The following TANK variants were observed in gnomAD, a reference collection of about 807,000 sequenced individuals.
TANK encodes TRAF family member associated NFKB activator.
A neutral mutation model predicts 43.6 loss-of-function variants in TANK; 15 were observed. That is an observed-to-expected ratio of 0.34 (90% CI 0.23 to 0.53). The LOEUF (loss-of-function observed/expected upper bound fraction) is 0.53. TANK is among the 20% of genes least tolerant of loss of function. TANK has a pLI of 0.94. For missense variants in TANK, 417 were observed against 498.6 expected (o/e 0.84, Z 1.56); for synonymous variants, 162 against 178.2 (o/e 0.91, Z 0.73).
chr2:161,148,650 T>A (rs890544801), intron 1 of TANK, among the ~76,000 whole-genome samples: 5 of 152,220 alleles, frequency 3.3e-5, no homozygotes, highest in African/African-American at 1.2e-4. Context: ...TATGGTTTTA[T>A]CTCTTATATT....
intron 4 of TANK, among the ~76,000 whole-genome samples, chr2:161,210,062 A>ATG (rs1228890586): frequency 6.6e-6 from 1 of 152,202 alleles, no homozygotes; most frequent in African/African-American, 2.4e-5. Context: ...TTACTGAAAG[A>ATG]TGTCAGTTAA....
chr2:161,146,047 G>A (rs1683900963), intron 1 of TANK, among the ~76,000 whole-genome samples: 1 of 151,938 alleles, frequency 6.6e-6, no homozygotes, highest in Non-Finnish European at 1.5e-5. Flanking sequence ...CTCTAATCTT[G>A]TCTTCATGCC....
At chr2:161,160,399 G>A (rs1020138894), upstream of TANK, 11 of 1,241,106 alleles carry the variant, frequency 8.9e-6, no homozygotes, top group Non-Finnish European at 1.1e-5. Flanking sequence ...CCTCTGAACT[G>A]GAACAAAATG....
chr2:161,211,692 C>T (rs1017011205), intron 4 of TANK: 2 of 942,726 alleles, frequency 2.1e-6, no homozygotes, highest in African/African-American at 3.5e-5. Flanking sequence ...AAATTTGCCC[C>T]TGAATTCCTT....
At chr2:161,175,110 A>G (rs1685119627) in intron 1 of TANK, among the ~76,000 whole-genome samples, 1 of 152,164 alleles carries the variant, frequency 6.6e-6, no homozygotes, top group Non-Finnish European at 1.5e-5. Flanking sequence ...GGATGCTCAT[A>G]TACTATATGC....
At chr2:161,188,989 G>T (rs1328316363) in intron 2 of TANK, among the ~76,000 whole-genome samples, 2 of 152,148 alleles carry the variant, frequency 1.3e-5, no homozygotes, top group Non-Finnish European at 2.9e-5. Flanking sequence ...TTTTGGACTT[G>T]CCAGATACTG....
chr2:161,163,881 T>C (rs1303261503), intron 1 of TANK, among the ~76,000 whole-genome samples: 1 of 152,262 alleles, frequency 6.6e-6, no homozygotes, highest in Admixed American at 6.5e-5. Context: ...TTACTGTTAA[T>C]ACCTCGATAA....
Position 161,149,946 on chromosome 2 carries a change from C to CT in TANK, c.-50+12889dup, listed in dbSNP as rs536988045. On this transcript the variant is annotated intron_variant, in intron 1 of 7. Coordinates refer to the TANK transcript ENST00000259075. ...ACAAGGAATATTGGTTTTTAGCTTTCTTTTTTATCACGTCTCTGTCTGGCT... is the reference window on the plus strand; with the variant it reads ...ACAAGGAATATTGGTTTTTAGCTTTCTTTTTTTATCACGTCTCTGTCTGGCT... Among the ~76,000 whole-genome samples the CT allele has an allele frequency of 9.2e-5, 14 of 152,154 alleles. No homozygotes were observed. The East Asian group carries it at 2.3e-3, about 25-fold the overall frequency.
chr2:161,166,011 CTG>C (rs886788375), intron 1 of TANK, among the ~76,000 whole-genome samples: 1 of 152,204 alleles, frequency 6.6e-6, no homozygotes, highest in Non-Finnish European at 1.5e-5. Context: ...TAAGGCAAAA[CTG>C]AGACTCATGG....
At position 161,231,121 on chromosome 2, in the gene TANK, C is replaced by T. The variant is rs374542185; in HGVS notation, c.671C>T (p.Thr224Ile). 6.8e-5 allele frequency: 109 copies of T among 1,613,978 alleles called. 1 individual carries two copies. In the South Asian group the frequency reaches 1.1e-3, roughly 16 times the overall value. Residue 224 changes from threonine to isoleucine, a missense_variant, in exon 7 of 8, where the codon ACC becomes ATC. Physicochemically the swap from Thr to Ile is moderately conservative, Grantham distance 89 (BLOSUM62 -1). Transcript: ENST00000392749. ...GGACTGTGCAGAGATGAGGAAGACA[C>T]CTCTTTTGAATCACTTTCTAAATTC... ...PRGLCRDEED[T>I]SFESLSKFNV...
chr2:161,214,253 T>C (rs1386704090), intron 4 of TANK, among the ~76,000 whole-genome samples: 1 of 152,152 alleles, frequency 6.6e-6, no homozygotes, highest in African/African-American at 2.4e-5. Context: ...TAACCATAGC[T>C]TGTGTGTCAG....
chr2:161,214,624 C>CT (rs1687038878), intron 4 of TANK, among the ~76,000 whole-genome samples: 2 of 151,720 alleles, frequency 1.3e-5, no homozygotes, highest in Admixed American at 6.6e-5. Flanking sequence ...TTTGCATCAT[C>CT]AGTCTAAATG....
At chr2:161,165,078 C>T (rs1684616920) in intron 1 of TANK, among the ~76,000 whole-genome samples, 2 of 131,962 alleles carry the variant, frequency 1.5e-5, no homozygotes, top group African/African-American at 2.8e-5. Flanking sequence ...GAAGGGTCTA[C>T]TGAAAATAGG....
At chr2:161,196,739 C>G (rs536846124) in intron 2 of TANK, among the ~76,000 whole-genome samples, 1 of 151,942 alleles carries the variant, frequency 6.6e-6, no homozygotes, top group African/African-American at 2.4e-5. Flanking sequence ...GCTTGTAATC[C>G]CAGCTACTCA....
At chr2:161,175,643 T>A (rs553525270) in intron 1 of TANK, among the ~76,000 whole-genome samples, 2 of 152,174 alleles carry the variant, frequency 1.3e-5, no homozygotes, top group African/African-American at 4.8e-5. Flanking sequence ...TCATGCTACC[T>A]CTCTTACTCC....
At chr2:161,138,064 A>C (rs142926220) in intron 1 of TANK, 5 of 503,972 alleles carry the variant, frequency 9.9e-6, no homozygotes, top group Non-Finnish European at 7.6e-6. Context: ...TAAAGTGTTA[A>C]TCTTATAGAC....
chr2:161,181,631 C>A (rs1199349671), intron 2 of TANK, among the ~76,000 whole-genome samples: 1 of 152,008 alleles, frequency 6.6e-6, no homozygotes. Flanking sequence ...GGGGGATGTG[C>A]CACACACTTT....
chr2:161,220,876 A>G (rs1439501200), intron 4 of TANK, among the ~76,000 whole-genome samples: 2 of 152,202 alleles, frequency 1.3e-5, no homozygotes, highest in Non-Finnish European at 2.9e-5. Flanking sequence ...TTTTGCATCA[A>G]TAATAAAGCC....
rs188786455 is a variant in TANK at position 161,212,384 on chromosome 2, A to T, written c.327+7591A>T. The T allele has an allele frequency of 1.7e-4, 170 of 984,826 alleles. 1 individual carries two copies. The East Asian group carries it at 0.011, about 65-fold the overall frequency. 61.0% of individuals were successfully genotyped at this position (984,826 alleles called of 1,614,324 possible). A position where few individuals can be genotyped will look rare whatever the true frequency, so the allele number is the denominator to read the frequency against. ...CTGATACACAAACTCTTAAGAAAAC[A>T]AATATTGATATCCAAAACATTTTAA... On this transcript the variant is annotated intron_variant, in intron 4 of 7. Coordinates refer to ENST00000392749, the MANE Select transcript of TANK (RefSeq NM_001199135.3).
Sources: allele counts gnomAD v4.1 joint callset (sites outside exome capture counted in the v4.1 genomes callset), GRCh38; gene constraint gnomAD v4.1.1; transcripts MANE v1.5; gene names NCBI Gene and HGNC (gene_info 2026-07-23, HGNC 2026-07-21).